Variants in ZNF678 observed in about 807,000 individuals in gnomAD.
ZNF678 encodes the protein hypothetical protein MGC42493.
A neutral mutation model predicts 3.0 loss-of-function variants in ZNF678; 5 were observed. That is an observed-to-expected ratio of 1.69 (90% CI 0.88 to 3.56). The LOEUF (loss-of-function observed/expected upper bound fraction) is 3.56, where lower values mean the gene tolerates loss of function less well. Among genes scored for constraint, ZNF678 ranks in the 30% most tolerant of loss-of-function variants. ZNF678 has a pLI of 0.00. For synonymous variants in ZNF678, 218 were observed against 199.6 expected (o/e 1.09, Z -0.78); for missense variants, 593 against 605.0 (o/e 0.98, Z 0.21).
intron 1 of ZNF678, among the ~76,000 whole-genome samples, chr1:227,639,346 T>G (rs950021553): frequency 6.6e-5 from 10 of 152,236 alleles, no homozygotes; most frequent in Non-Finnish European, 1.2e-4. Flanking sequence ...TGCCTGTTTT[T>G]GCCTTTTACT....
chr1:227,663,135 A>G (rs905553164), downstream of ZNF678, among the ~76,000 whole-genome samples: 1 of 152,198 alleles, frequency 6.6e-6, no homozygotes, highest in African/African-American at 2.4e-5. Flanking sequence ...ATGGCCTCAG[A>G]AAAAACACCC....
intron 1 of ZNF678, among the ~76,000 whole-genome samples, chr1:227,615,614 C>G (rs1353883380): frequency 1.3e-5 from 2 of 152,184 alleles, no homozygotes; most frequent in African/African-American, 4.8e-5. Flanking sequence ...CTTCCCCATG[C>G]AATTGTTTTT....
At position 227,590,699 on chromosome 1, in the gene ZNF678, C is replaced by G. The variant is rs140194899; in HGVS notation, c.-164+26975C>G. Among the ~76,000 whole-genome samples, 647 of 151,968 alleles carry G rather than the reference C, an allele frequency of 4.3e-3. 15 individuals carry two copies. Among genetic ancestry groups the G allele is most frequent in the African/African-American group, 0.015 (617 of 41,360 alleles). ...TAGTGCCAATAACACAACTACCTGTCCACTGATCAGGCAGCTTAGTGTAGG... is the reference window on the plus strand; with the variant it reads ...TAGTGCCAATAACACAACTACCTGTGCACTGATCAGGCAGCTTAGTGTAGG... On this transcript the variant is annotated intron_variant, in intron 1 of 3. Transcript: ENST00000343776.
At chr1:227,618,245 C>T (rs993496217) in intron 1 of ZNF678, among the ~76,000 whole-genome samples, 24 of 152,302 alleles carry the variant, frequency 1.6e-4, no homozygotes, top group Middle Eastern at 3.4e-3. Flanking sequence ...CTCTGGGTGC[C>T]GCTCAGTCCA....
At position 227,655,553 on chromosome 1, in the gene ZNF678, T is replaced by C. The variant is rs142439512; in HGVS notation, c.1303T>C (p.Cys435Arg). The C allele has an allele frequency of 3.3e-5, 54 of 1,612,584 alleles. No individual in the cohort carries two copies. The African/African-American group carries it at 7.1e-4, about 21-fold the overall frequency. ...RIHTGEKPYK[C>R]KECGKAFYQS... ...TCATACTGGAGAGAAACCCTACAAA[T>C]GTAAAGAATGTGGCAAAGCTTTTTA... The change falls in exon 4 of 4, where the codon TGT becomes CGT. Residue 435 changes from cysteine (C) to arginine (R), a missense_variant. By Grantham distance (180) the Cys-to-Arg change is radical (BLOSUM62 -3). Coordinates refer to ENST00000343776, the MANE Select transcript of ZNF678 (RefSeq NM_001367909.1).
intron 1 of ZNF678, among the ~76,000 whole-genome samples, chr1:227,584,974 T>G (rs1558132790): frequency 6.6e-6 from 1 of 152,248 alleles, no homozygotes; most frequent in East Asian, 1.9e-4. Flanking sequence ...GGGCCTAGAG[T>G]AAGGTACAGA....
intron 1 of ZNF678, among the ~76,000 whole-genome samples, chr1:227,629,362 A>G (rs1306819381): frequency 6.6e-6 from 1 of 152,234 alleles, no homozygotes; most frequent in Non-Finnish European, 1.5e-5. Context: ...GTTCAGGTGT[A>G]TAATGGCCCC....
chr1:227,586,217 T>TAA (rs112409180), intron 1 of ZNF678, among the ~76,000 whole-genome samples: 2 of 151,722 alleles, frequency 1.3e-5, no homozygotes. Flanking sequence ...AATAAGCAAA[T>TAA]AAAAAAATAA....
chr1:227,650,918 G>T, intron 2 of ZNF678, 38 bp from the exon 3 acceptor site: 4 of 1,488,528 alleles, frequency 2.7e-6, no homozygotes, highest in South Asian at 1.4e-5. Flanking sequence ...AATTTTTATG[G>T]CTTTTAAAAA....
Position 227,563,735 on chromosome 1 carries a change from C to T in ZNF678, c.-164+11C>T. The T allele has an allele frequency of 7.6e-7, 1 of 1,319,060 alleles. No individual in the cohort carries two copies. 81.7% of individuals were successfully genotyped at this position (1,319,060 alleles called of 1,614,324 possible). A position where few individuals can be genotyped will look rare whatever the true frequency, so the allele number is the denominator to read the frequency against. ...GAAAGCCGGAAAACGGTGAGAGTTC[C>T]CGGGAGGGTGTTCCAAGATGGCGGT... On this transcript the variant is annotated intron_variant, in intron 1 of 3. Transcript: ENST00000343776.
intron 1 of ZNF678, among the ~76,000 whole-genome samples, chr1:227,576,900 T>G (rs1657000682): frequency 6.6e-6 from 1 of 152,346 alleles, no homozygotes; most frequent in Non-Finnish European, 1.5e-5. Flanking sequence ...TAGCACTGCC[T>G]TAGCTGTGTC....
At chr1:227,602,801 A>G (rs1038813224) in intron 1 of ZNF678, among the ~76,000 whole-genome samples, 13 of 152,238 alleles carry the variant, frequency 8.5e-5, no homozygotes, top group African/African-American at 2.7e-4. Context: ...TGAAGTTTGC[A>G]TATGGCTGAA....
At chr1:227,576,263 G>A (rs1656984434) in intron 1 of ZNF678, among the ~76,000 whole-genome samples, 1 of 152,186 alleles carries the variant, frequency 6.6e-6, no homozygotes, top group South Asian at 2.1e-4. Context: ...GCTGGCTTCA[G>A]AGAATGTGTT....
chr1:227,603,237 C>G (rs1009296382), intron 1 of ZNF678, among the ~76,000 whole-genome samples: 1 of 152,128 alleles, frequency 6.6e-6, no homozygotes, highest in South Asian at 2.1e-4. Context: ...GGGCATGGGG[C>G]GGGGGGAATG....
rs565529790 is a variant in ZNF678 at position 227,640,934 on chromosome 1, G to A, written c.-163-5610G>A. On this transcript the variant is annotated intron_variant, in intron 1 of 3. Coordinates refer to ENST00000343776, the MANE Select transcript of ZNF678 (RefSeq NM_001367909.1). ...CCCAAACGGAATCAAATGGCTTGGA[G>A]GCGTCCTCCTAAGACCAGATGATCA... Among the ~76,000 whole-genome samples, 16 of 152,320 alleles carry A rather than the reference G, an allele frequency of 1.1e-4. No homozygotes were observed. The South Asian group carries it at 3.3e-3, about 32-fold the overall frequency.
At chr1:227,645,662 TA>T (rs749584312) in intron 1 of ZNF678, among the ~76,000 whole-genome samples, 2 of 152,174 alleles carry the variant, frequency 1.3e-5, no homozygotes, top group East Asian at 1.9e-4. Flanking sequence ...TTGGATTAGT[TA>T]AAGGAAAGTT....
chr1:227,609,228 T>TA (rs1359297429), intron 1 of ZNF678, among the ~76,000 whole-genome samples: 6 of 150,878 alleles, frequency 4.0e-5, no homozygotes, highest in Admixed American at 1.3e-4. Context: ...GTCAAAACAT[T>TA]AATGCATAAA....
chr1:227,618,247 C>T lies in ZNF678; in HGVS notation c.-163-28297C>T, dbSNP rs1658189504. 2.0e-5 allele frequency among the ~76,000 whole-genome samples: 3 copies of T among 152,236 alleles called. No homozygotes were observed. In the South Asian group the frequency reaches 6.2e-4, roughly 31 times the overall value. On this transcript the variant is annotated intron_variant, in intron 1 of 3. Coordinates refer to ENST00000343776, the MANE Select transcript of ZNF678 (RefSeq NM_001367909.1). ...CAAAAGGCTCTCACTCTGGGTGCCG[C>T]TCAGTCCAGTGCATAGCTGTGGTCC... is the stretch of plus-strand genomic sequence containing the variant.
intron 1 of ZNF678, among the ~76,000 whole-genome samples, chr1:227,633,452 G>A (rs770328729): frequency 6.6e-6 from 1 of 152,170 alleles, no homozygotes; most frequent in Non-Finnish European, 1.5e-5. Flanking sequence ...TTGGTCGGGT[G>A]TGAGCTGAGT....
Sources: allele counts gnomAD v4.1 joint callset (sites outside exome capture counted in the v4.1 genomes callset), GRCh38; gene constraint gnomAD v4.1.1; transcripts MANE v1.5; gene names NCBI Gene and HGNC (gene_info 2026-07-23, HGNC 2026-07-21).